Variants in CPOX observed in about 807,000 individuals in gnomAD.
CPOX encodes coproporphyrinogen oxidase.
Under a neutral mutation model 48.9 loss-of-function variants are expected in CPOX, and 24 were observed. The observed-to-expected ratio is 0.49, with a 90% CI of 0.36 to 0.69. The LOEUF is 0.69. Ranked by LOEUF, CPOX falls within the 30% of genes least tolerant of loss-of-function variation. CPOX has a pLI of 0.00. For synonymous variants in CPOX, 249 were observed against 234.6 expected, an observed-to-expected ratio of 1.06 and a Z score of -0.56; for missense variants, 549 against 597.3, an observed-to-expected ratio of 0.92 and a Z score of 0.84.
chr3:98,581,301 C>T (rs1359876843), intron 6 of CPOX, 106 bp downstream of exon 6: 8 of 852,714 alleles, frequency 9.4e-6, no homozygotes, highest in South Asian at 8.4e-5. Flanking sequence ...AAAGTCAAAA[C>T]TAACAAAGAC....
rs773155019 is a variant in CPOX at position 98,588,758 on chromosome 3, G to T, written c.908C>A (p.Ala303Asp). The T allele has an allele frequency of 6.2e-7, 1 of 1,614,158 alleles. No homozygotes were observed. Among genetic ancestry groups the T allele is most frequent in the Non-Finnish European group, 8.5e-7 (1 of 1,180,012 alleles). ...AVHFHRTLKE[A>D]CDQHGPDLYP... is the part of the protein sequence containing the mutation. Reference sequence around the variant, plus strand: ...GAGATCTGGACCATGCTGGTCACAAGCCTCCTTCAGAGTTCTGTGAAAATG... The same window carrying T: ...GAGATCTGGACCATGCTGGTCACAATCCTCCTTCAGAGTTCTGTGAAAATG... Residue 303 changes from alanine (A) to aspartate (D), a missense_variant, in exon 4 of 7, where the codon GCT becomes GAT. Ala to Asp is a moderately radical substitution (Grantham distance 126, BLOSUM62 -2). Transcript: ENST00000647941.
In CPOX at chr3:98,580,533, A is replaced by T. The variant is rs1190570203; in HGVS notation, c.*150T>A. Reference sequence around the variant, plus strand: ...CACCATTCATCACTGACAGCATCCAAAACATGTTATCATCTGCCCACGAGG... The same window carrying T: ...CACCATTCATCACTGACAGCATCCATAACATGTTATCATCTGCCCACGAGG... On this transcript the variant is annotated 3_prime_UTR_variant, in exon 7 of 7. Transcript: ENST00000647941. 1.3e-6 allele frequency: 2 copies of T among 1,496,286 alleles called. No individual in the cohort carries two copies. Among genetic ancestry groups the T allele is most frequent in the Non-Finnish European group, 1.8e-6 (2 of 1,123,692 alleles). 92.7% of individuals were successfully genotyped at this position (1,496,286 alleles called of 1,614,324 possible).
intron 5 of CPOX, 91 bp from the exon 6 acceptor site, chr3:98,581,602 TC>T: frequency 4.2e-6 from 4 of 957,280 alleles, no homozygotes; most frequent in Admixed American, 1.9e-5. Flanking sequence ...GGTGGGTTCT[TC>T]CCCCCAGTTC....
Position 98,579,733 on chromosome 3 carries a change from A to C in CPOX, c.*950T>G, listed in dbSNP as rs1032087466. ...CTAATATAAAAAAGAGGACATTTTC[A>C]ATGTGTCCATTTTCCTAAGAAACGT... On this transcript the variant is annotated 3_prime_UTR_variant, in exon 7 of 7. Coordinates refer to ENST00000647941, the MANE Select transcript of CPOX (RefSeq NM_000097.7). The C allele has an allele frequency of 2.2e-5, 22 of 985,324 alleles. No individual in the cohort carries two copies. Among genetic ancestry groups the C allele is most frequent in the Non-Finnish European group, 2.5e-5 (21 of 829,690 alleles). The allele number at this position is 985,324 out of a possible 1,614,324, so 61.0% of individuals were successfully genotyped here. A position where few individuals can be genotyped will look rare whatever the true frequency, so the allele number is the denominator to read the frequency against.
intron 2 of CPOX, 128 bp from the exon 3 acceptor site, chr3:98,590,870 AT>A: frequency 1.6e-6 from 2 of 1,251,368 alleles, no homozygotes; most frequent in Non-Finnish European, 2.3e-6. Flanking sequence ...TAAAAACATA[AT>A]TTTAAAAAAG....
At chr3:98,588,505 A>G (rs566116832) in intron 4 of CPOX, among the ~76,000 whole-genome samples, 2 of 152,382 alleles carry the variant, frequency 1.3e-5, no homozygotes, top group Admixed American at 1.3e-4. Context: ...GAATAAAAAG[A>G]TATTACTACT....
chr3:98,583,426 A>G (rs1202694141), intron 5 of CPOX, among the ~76,000 whole-genome samples: 1 of 152,198 alleles, frequency 6.6e-6, no homozygotes, highest in Non-Finnish European at 1.5e-5. Context: ...TTTAAATAAT[A>G]TTATTTAATC....
In CPOX at chr3:98,593,338, G is replaced by C; in HGVS notation, c.167C>G (p.Thr56Arg). 1 of 1,352,076 alleles carries C rather than the reference G, an allele frequency of 7.4e-7. No homozygotes were observed. Among genetic ancestry groups the C allele is most frequent in the Non-Finnish European group, 9.4e-7 (1 of 1,064,532 alleles). 83.8% of individuals were successfully genotyped at this position (1,352,076 alleles called of 1,614,324 possible). A position where few individuals can be genotyped will look rare whatever the true frequency, so the allele number is the denominator to read the frequency against. The change falls in exon 1 of 7, where the codon ACG becomes AGG. Residue 56 changes from threonine to arginine, a missense_variant. Transcript: ENST00000647941. ...RVCRPPGPAG[T>R]EQSRGLGHGS... ...GTGCCCCAGCCCGCGGCTCTGCTCCGTGCCAGCCGGGCCAGGGGGCCGGCA... is the reference window on the plus strand; with the variant it reads ...GTGCCCCAGCCCGCGGCTCTGCTCCCTGCCAGCCGGGCCAGGGGGCCGGCA...
chr3:98,581,258 C>G, intron 6 of CPOX, 149 bp downstream of exon 6: 1 of 675,066 alleles, frequency 1.5e-6, no homozygotes, highest in East Asian at 2.9e-5. Context: ...TTTGATTTGC[C>G]TTATTTGACT....
In CPOX at chr3:98,585,668, C is replaced by G; in HGVS notation, c.954-9G>C. ...AGAAGTAATCATCACACCTGGAAAA[C>G]ACAGCGGCGCCAAACCAGGGATCAA... is the stretch of plus-strand genomic sequence containing the variant. On this transcript the variant is annotated splice_polypyrimidine_tract_variant and intron_variant, in intron 4 of 6. Coordinates refer to ENST00000647941, the MANE Select transcript of CPOX (RefSeq NM_000097.7). 1 of 1,605,966 alleles carries G rather than the reference C, an allele frequency of 6.2e-7. No individual in the cohort carries two copies. The highest frequency in any genetic ancestry group is 8.5e-7 in the Non-Finnish European group (1 of 1,172,756).
chr3:98,575,921 A>G (rs368231909), downstream of CPOX, among the ~76,000 whole-genome samples: 84 of 152,034 alleles, frequency 5.5e-4, 1 homozygote, highest in African/African-American at 2.0e-3. Context: ...AATACAAAAA[A>G]ATTAGCCGGG....
At chr3:98,591,988 T>C (rs1400619348) in intron 1 of CPOX, among the ~76,000 whole-genome samples, 4 of 66,454 alleles carry the variant, frequency 6.0e-5, no homozygotes, top group Admixed American at 1.4e-4. Flanking sequence ...TATATATGTA[T>C]ATGGATATAT....
chr3:98,590,294 C>G (rs916841299), intron 3 of CPOX, among the ~76,000 whole-genome samples: 7 of 152,242 alleles, frequency 4.6e-5, no homozygotes, highest in Non-Finnish European at 1.0e-4. Context: ...ACTACAGGTG[C>G]GTGCCAGCAC....
At chr3:98,582,179 C>A (rs573805907) in intron 5 of CPOX, among the ~76,000 whole-genome samples, 13 of 152,092 alleles carry the variant, frequency 8.5e-5, no homozygotes, top group Admixed American at 3.3e-4. Flanking sequence ...AAACTTGGTT[C>A]AATATGTTAA....
At chr3:98,591,855 G>A (rs956589771) in intron 1 of CPOX, among the ~76,000 whole-genome samples, 4 of 152,024 alleles carry the variant, frequency 2.6e-5, no homozygotes, top group Non-Finnish European at 5.9e-5. Context: ...GAGGACCAGA[G>A]GGGCAAAACA....
At position 98,593,531 on chromosome 3, in the gene CPOX, G is replaced by C. The variant is rs1271802292; in HGVS notation, c.-27C>G. On this transcript the variant is annotated 5_prime_UTR_variant, in exon 1 of 7. Coordinates refer to ENST00000647941, the MANE Select transcript of CPOX (RefSeq NM_000097.7). ...TTCCCGCACTATCACCTGGAGCAGT[G>C]CCTGCGTCCCAGAGCCCTGCGTTTG... The C allele has an allele frequency of 4.0e-6, 6 of 1,515,062 alleles. No homozygotes were observed. Among genetic ancestry groups the C allele is most frequent in the Non-Finnish European group, 4.4e-6 (5 of 1,137,434 alleles). The allele number at this position is 1,515,062 out of a possible 1,614,324, so 93.9% of individuals were successfully genotyped here.
intron 5 of CPOX, among the ~76,000 whole-genome samples, chr3:98,581,955 A>T (rs189776373): frequency 6.6e-6 from 1 of 152,240 alleles, no homozygotes; most frequent in Non-Finnish European, 1.5e-5. Flanking sequence ...AAGATGGTGT[A>T]AAACTTCTGA....
At chr3:98,591,819 C>T (rs111316940) in intron 1 of CPOX, among the ~76,000 whole-genome samples, 1,829 of 152,120 alleles carry the variant, frequency 0.012, 33 homozygotes, top group African/African-American at 0.038. Flanking sequence ...CCAGTACAAC[C>T]CTCATATATT....
chr3:98,585,959 G>A (rs1235204970), intron 4 of CPOX: 43 of 353,516 alleles, frequency 1.2e-4, no homozygotes, highest in Admixed American at 1.9e-4. Flanking sequence ...TGCAAGCTCC[G>A]CCTCCCGGGT....
Sources: allele counts gnomAD v4.1 joint callset (sites outside exome capture counted in the v4.1 genomes callset), GRCh38; gene constraint gnomAD v4.1.1; transcripts MANE v1.5; gene names NCBI Gene and HGNC (gene_info 2026-07-23, HGNC 2026-07-21).